The following CNTN5 variants were observed in gnomAD, a reference collection of about 807,000 sequenced individuals.
CNTN5 encodes contactin 5.
Under a neutral mutation model 129.1 loss-of-function variants are expected in CNTN5, and 77 were observed. The observed-to-expected ratio is 0.60, with a 90% CI of 0.50 to 0.72. The LOEUF is 0.72. CNTN5 is among the 30% of genes least tolerant of loss of function. CNTN5 has a pLI of 0.00. For synonymous variants in CNTN5, 509 were observed against 465.6 expected (o/e 1.09, Z -1.20); for missense variants, 1,478 against 1,328.8 (o/e 1.11, Z -1.75).
chr11:99,655,324 T>C (rs1333777354), intron 3 of CNTN5, among the ~76,000 whole-genome samples: 1 of 152,092 alleles, frequency 6.6e-6, no homozygotes, highest in Non-Finnish European at 1.5e-5. Context: ...CAAGAAGAAG[T>C]GGTCCAAAGT....
chr11:99,128,040 CA>C (rs1345942687), intron 1 of CNTN5, among the ~76,000 whole-genome samples: 1 of 152,134 alleles, frequency 6.6e-6, no homozygotes, highest in Non-Finnish European at 1.5e-5. Context: ...AATCACTTTA[CA>C]GATGATCAAC....
intron 2 of CNTN5, among the ~76,000 whole-genome samples, chr11:99,358,692 T>C (rs1169694171): frequency 6.6e-6 from 1 of 152,188 alleles, no homozygotes; most frequent in African/African-American, 2.4e-5. Flanking sequence ...CAAAATTAAA[T>C]TTAAAAAATT....
chr11:99,916,189 C>A lies in CNTN5; in HGVS notation c.673+40C>A, dbSNP rs374528824. The stretch of plus-strand genomic sequence containing the variant: ...CATTCTTTGCTGCTGCTGCTGCTCT[C>A]TTTTGCTATGTGTTCATTCTTTTAG... On this transcript the variant is annotated intron_variant, in intron 7 of 24. Coordinates refer to ENST00000524871, the MANE Select transcript of CNTN5 (RefSeq NM_014361.4). 4 of 1,485,266 alleles carry A rather than the reference C, an allele frequency of 2.7e-6. No homozygotes were observed. In the East Asian group the frequency reaches 6.9e-5, roughly 26 times the overall value. 92.0% of individuals were successfully genotyped at this position (1,485,266 alleles called of 1,614,324 possible).
intron 1 of CNTN5, among the ~76,000 whole-genome samples, chr11:99,269,900 G>T (rs1863094857): frequency 6.6e-6 from 1 of 151,676 alleles, no homozygotes; most frequent in African/African-American, 2.4e-5. Context: ...ATTCAATTTG[G>T]TAGTTGTTAT....
At chr11:99,209,674 T>C (rs1351917210) in intron 1 of CNTN5, among the ~76,000 whole-genome samples, 1 of 152,168 alleles carries the variant, frequency 6.6e-6, no homozygotes, top group Non-Finnish European at 1.5e-5. Flanking sequence ...TGGTATTATC[T>C]ATATTCTACG....
chr11:99,763,207 C>T (rs925623223), intron 3 of CNTN5, among the ~76,000 whole-genome samples: 1 of 152,062 alleles, frequency 6.6e-6, no homozygotes, highest in Non-Finnish European at 1.5e-5. Context: ...ATCAGTTTTT[C>T]ACTTGTCAGA....
chr11:99,751,657 G>A (rs1039879647), intron 3 of CNTN5, among the ~76,000 whole-genome samples: 2 of 152,030 alleles, frequency 1.3e-5, no homozygotes, highest in South Asian at 2.1e-4. Flanking sequence ...CATGTTATTT[G>A]CTCTGTAATA....
intron 3 of CNTN5, among the ~76,000 whole-genome samples, chr11:99,645,737 T>G (rs598046): frequency 0.6 from 91,103 of 151,476 alleles, 28,221 homozygotes; most frequent in Admixed American, 0.69. Context: ...TCATAAGTGG[T>G]AGTTGAACAA....
chr11:99,354,908 G>A (rs550488163), intron 2 of CNTN5, among the ~76,000 whole-genome samples: 1 of 152,182 alleles, frequency 6.6e-6, no homozygotes, highest in South Asian at 2.1e-4. Flanking sequence ...AGTTTCTGGC[G>A]CTCTTTCCAT....
At chr11:100,235,557 C>A (rs1949595046) in intron 16 of CNTN5, among the ~76,000 whole-genome samples, 2 of 151,990 alleles carry the variant, frequency 1.3e-5, no homozygotes, top group South Asian at 4.2e-4. Context: ...CTAACTAAGG[C>A]CCATAATGTT....
At chr11:99,973,239 A>C (rs1937696263) in intron 8 of CNTN5, among the ~76,000 whole-genome samples, 1 of 152,104 alleles carries the variant, frequency 6.6e-6, no homozygotes, top group Admixed American at 6.6e-5. Flanking sequence ...ATTTTATCTC[A>C]ATTAGTAACT....
chr11:100,115,647 A>T (rs1173309884), intron 13 of CNTN5, among the ~76,000 whole-genome samples: 1 of 152,040 alleles, frequency 6.6e-6, no homozygotes, highest in African/African-American at 2.4e-5. Flanking sequence ...AGATGAGACC[A>T]TATGCTCAGT....
intron 1 of CNTN5, among the ~76,000 whole-genome samples, chr11:99,058,073 T>C (rs1172582351): frequency 6.6e-6 from 1 of 151,850 alleles, no homozygotes; most frequent in East Asian, 1.9e-4. Context: ...AGAGTGAGTA[T>C]TGTGGTTTGG....
chr11:99,229,781 A>C (rs558939172), intron 1 of CNTN5, among the ~76,000 whole-genome samples: 1 of 152,202 alleles, frequency 6.6e-6, no homozygotes, highest in Non-Finnish European at 1.5e-5. Context: ...GTGTCAGCTT[A>C]ACTAAAGCAA....
chr11:99,030,466 A>C (rs1352600979), intron 1 of CNTN5, among the ~76,000 whole-genome samples: 1 of 152,046 alleles, frequency 6.6e-6, no homozygotes, highest in Non-Finnish European at 1.5e-5. Context: ...TTATTTGCTC[A>C]TTTTGACAGT....
At chr11:99,110,400 C>T (rs1002033028) in intron 1 of CNTN5, among the ~76,000 whole-genome samples, 15 of 152,028 alleles carry the variant, frequency 9.9e-5, no homozygotes, top group African/African-American at 3.1e-4. Context: ...TATTATATGA[C>T]GTATGAATGT....
At chr11:99,899,537 A>G (rs1949298620) in intron 6 of CNTN5, among the ~76,000 whole-genome samples, 2 of 151,910 alleles carry the variant, frequency 1.3e-5, no homozygotes, top group Admixed American at 1.3e-4. Context: ...TTATTGATTT[A>G]TGTATATTGA....
At chr11:100,019,592 G>T (rs1201658192) in intron 9 of CNTN5, among the ~76,000 whole-genome samples, 6 of 151,746 alleles carry the variant, frequency 4.0e-5, no homozygotes, top group Non-Finnish European at 8.8e-5. Context: ...CTGTTTATTT[G>T]TTGATGGACT....
chr11:99,766,605 CTGTT>C (rs1555104027), intron 3 of CNTN5, among the ~76,000 whole-genome samples: 1 of 152,052 alleles, frequency 6.6e-6, no homozygotes, highest in Non-Finnish European at 1.5e-5. Context: ...TGAGACCACA[CTGTT>C]TGCCAAACGT....
Sources: allele counts gnomAD v4.1 joint callset (sites outside exome capture counted in the v4.1 genomes callset), GRCh38; gene constraint gnomAD v4.1.1; transcripts MANE v1.5; gene names NCBI Gene and HGNC (gene_info 2026-07-23, HGNC 2026-07-21).